Variants in ABCG4 observed in about 807,000 individuals in gnomAD.
ABCG4 encodes the protein ATP binding cassette subfamily G member 4, also known as ATP-binding cassette sub-family G member 4.
A neutral mutation model predicts 64.6 loss-of-function variants in ABCG4; 35 were observed. The observed-to-expected ratio is 0.54, with a 90% CI of 0.41 to 0.72. The LOEUF (loss-of-function observed/expected upper bound fraction) is 0.72, where lower values mean the gene tolerates loss of function less well. ABCG4 is among the 30% of genes least tolerant of loss of function. The pLI, the probability that ABCG4 is intolerant of heterozygous loss-of-function variation, is 0.00. For missense variants in ABCG4, 610 were observed against 846.3 expected, an observed-to-expected ratio of 0.72 and a Z score of 3.46; for synonymous variants, 326 against 348.2, an observed-to-expected ratio of 0.94 and a Z score of 0.71.
chr11:119,156,712 C>T lies in ABCG4; in HGVS notation c.925+34C>T. 6.2e-7 allele frequency: 1 copy of T among 1,610,314 alleles called. No homozygotes were observed. On this transcript the variant is annotated intron_variant, in intron 8 of 14. Coordinates refer to ENST00000619701, the MANE Select transcript of ABCG4 (RefSeq NM_022169.5). The surrounding 1 kb of genome is among the most constrained non-coding windows in gnomAD (Gnocchi z 5.5). Reference sequence around the variant, plus strand: ...GGGTCTGTTGGTAGGGGCTGGGAAACAGCAGTGGGCCGAACCTGGGGTCTC... The same window carrying T: ...GGGTCTGTTGGTAGGGGCTGGGAAATAGCAGTGGGCCGAACCTGGGGTCTC...
Position 119,150,293 on chromosome 11 carries a change from G to C in ABCG4, c.238+90G>C. On this transcript the variant is annotated intron_variant, in intron 2 of 14. Transcript: ENST00000619701. The surrounding 1 kb of genome is among the most constrained non-coding windows in gnomAD (Gnocchi z 4.3). ...GGCCTGGGTGTCCCATGTTCGGAAA[G>C]TCCTGCACCAGTGGGCTCTGTGGAA... 3 of 1,519,400 alleles carry C rather than the reference G, an allele frequency of 2.0e-6. No homozygotes were observed. In the South Asian group the frequency reaches 3.7e-5, roughly 19 times the overall value. The allele number at this position is 1,519,400 out of a possible 1,614,324, so 94.1% of individuals were successfully genotyped here. A position where few individuals can be genotyped will look rare whatever the true frequency, so the allele number is the denominator to read the frequency against.
chr11:119,153,975 T>C, intron 2 of ABCG4, 51 bp from the exon 3 acceptor site: 1 of 1,513,640 alleles, frequency 6.6e-7, no homozygotes, highest in South Asian at 1.1e-5. Flanking sequence ...ATTTTGGGGG[T>C]ACCTCTGTTC....
chr11:119,160,766 A>G lies in ABCG4; in HGVS notation c.1715+110A>G. Reference sequence around the variant, plus strand: ...CTGCCTGCCCCATTATCCTTTGGGCAGGGGCACCCTGGCTGCACCCCAGGG... The same window carrying G: ...CTGCCTGCCCCATTATCCTTTGGGCGGGGGCACCCTGGCTGCACCCCAGGG... On this transcript the variant is annotated intron_variant, in intron 14 of 14. Transcript: ENST00000619701. The surrounding 1 kb of genome is among the most constrained non-coding windows in gnomAD (Gnocchi z 4.6). 1 of 1,491,812 alleles carries G rather than the reference A, an allele frequency of 6.7e-7. No homozygotes were observed. The allele number at this position is 1,491,812 out of a possible 1,614,324, so 92.4% of individuals were successfully genotyped here.
chr11:119,158,317 C>T lies in ABCG4; in HGVS notation c.1152C>T (p.Ser384=). Residue 384 remains serine, a synonymous_variant, in exon 10 of 15, where the codon TCC becomes TCT. Transcript: ENST00000619701. This position sits in a 1 kb window ranked among gnomAD's most constrained non-coding sequence, Gnocchi z 4.5. ...FCILFKRTFL[S]ILRDTVLTHL... ...TCCTCTTCAAGAGGACCTTCCTGTC[C>T]ATCCTCAGGGACACGGTGAGGCGTC... 6.2e-7 allele frequency: 1 copy of T among 1,614,114 alleles called. No individual in the cohort carries two copies. Among genetic ancestry groups the T allele is most frequent in the South Asian group, 1.1e-5 (1 of 91,086 alleles).
At position 119,160,859 on chromosome 11, in the gene ABCG4, T is replaced by G; in HGVS notation, c.1716-22T>G. 6.2e-7 allele frequency: 1 copy of G among 1,608,804 alleles called. No homozygotes were observed. Among genetic ancestry groups the G allele is most frequent in the Non-Finnish European group, 8.5e-7 (1 of 1,176,220 alleles). ...CAGGGACCCTGTGTGCTGTATCCCA[T>G]CTGATATCCCTGCCTGCCTAGGTAT... On this transcript the variant is annotated intron_variant, in intron 14 of 14. Coordinates refer to ENST00000619701, the MANE Select transcript of ABCG4 (RefSeq NM_022169.5). The surrounding 1 kb of genome is among the most constrained non-coding windows in gnomAD (Gnocchi z 4.6).
Position 119,161,058 on chromosome 11 carries a change from G to A in ABCG4, c.1893G>A (p.Arg631=). The change falls in exon 15 of 15, where the codon CGG becomes CGA. Residue 631 remains arginine (R), a synonymous_variant. Transcript: ENST00000619701. ...TGGGCATCTTCTTCCTAGCCCTGCG[G>A]CTGCTGGCCTACCTTGTGCTGCGTT... The part of the protein sequence containing the change: ...LVLGIFFLAL[R]LLAYLVLRYR... 3 of 1,614,030 alleles carry A rather than the reference G, an allele frequency of 1.9e-6. No homozygotes were observed. Among genetic ancestry groups the A allele is most frequent in the Non-Finnish European group, 2.5e-6 (3 of 1,179,976 alleles).
Position 119,156,170 on chromosome 11 carries a change from A to T in ABCG4, c.687-159A>T, listed in dbSNP as rs1328282326. ...TGAACAGTGCTCTTGGCTTCTGGGT[A>T]TCCCTCCAAGTGCCTGAACCGTAAA... On this transcript the variant is annotated intron_variant, in intron 6 of 14. Transcript: ENST00000619701. The surrounding 1 kb of genome is among the most constrained non-coding windows in gnomAD (Gnocchi z 5.5). 1.1e-6 allele frequency: 1 copy of T among 894,736 alleles called. No individual in the cohort carries two copies. The highest frequency in any genetic ancestry group is 1.7e-6 in the Non-Finnish European group (1 of 576,430). The allele number at this position is 894,736 out of a possible 1,614,324, so 55.4% of individuals were successfully genotyped here. A position where few individuals can be genotyped will look rare whatever the true frequency, so the allele number is the denominator to read the frequency against.
In ABCG4 at chr11:119,156,899, G is replaced by A. The variant is rs1479596747; in HGVS notation, c.953G>A (p.Gly318Glu). The change falls in exon 9 of 15, where the codon GGA becomes GAA. Residue 318 changes from glycine to glutamate, a missense_variant. Gly to Glu is a moderately conservative substitution (Grantham distance 98, BLOSUM62 -2). Transcript: ENST00000619701. The surrounding 1 kb of genome is among the most constrained non-coding windows in gnomAD (Gnocchi z 5.5). ...FIIEVASGEYGDLNPMLFRAV... is the reference protein window; with the variant it reads ...FIIEVASGEYEDLNPMLFRAV... ...ATCGAGGTGGCCTCTGGCGAGTATG[G>A]AGACCTGAACCCCATGTTGTTCAGG... is the stretch of plus-strand genomic sequence containing the variant. 2 of 1,612,764 alleles carry A rather than the reference G, an allele frequency of 1.2e-6. No individual in the cohort carries two copies. The highest frequency in any genetic ancestry group is 1.7e-5 in the Admixed American group (1 of 59,676).
rs1426495530 is a variant in ABCG4 at position 119,160,890 on chromosome 11, T to C, written c.1725T>C (p.Phe575=). 6.2e-7 allele frequency: 1 copy of C among 1,613,760 alleles called. No individual in the cohort carries two copies. The highest frequency in any genetic ancestry group is 8.5e-7 in the Non-Finnish European group (1 of 1,179,790). ...ATCCCTGCCTGCCTAGGTATGGCTT[T>C]GAGGGTGTGATCCTGACGATCTATG... ...SSYLSYVRYG[F]EGVILTIYGM... Residue 575 remains phenylalanine (F), a synonymous_variant, in exon 15 of 15, where the codon TTT becomes TTC. Transcript: ENST00000619701. This position sits in a 1 kb window ranked among gnomAD's most constrained non-coding sequence, Gnocchi z 4.6.
chr11:119,154,349 A>T lies in ABCG4; in HGVS notation c.446A>T (p.Asp149Val), dbSNP rs777057755. Residue 149 changes from aspartate to valine, a missense_variant, in exon 4 of 15, where the codon GAT (aspartate) becomes GTT (valine). By Grantham distance (152) the Asp-to-Val change is radical. Transcript: ENST00000619701. The surrounding 1 kb of genome is among the most constrained non-coding windows in gnomAD (Gnocchi z 7.0). The part of the protein sequence containing the change: ...FRKMSCYIMQ[D>V]DMLLPHLTVL... ...AAGATGTCCTGCTACATCATGCAAG[A>T]TGACATGCTGCTGCCGCACCTCACG... is the stretch of plus-strand genomic sequence containing the variant. 9.9e-6 allele frequency: 16 copies of T among 1,614,100 alleles called. No individual in the cohort carries two copies. In the East Asian group the frequency reaches 3.6e-4, roughly 36 times the overall value.
chr11:119,149,981 C>G lies in ABCG4; in HGVS notation c.16C>G (p.Leu6Val), dbSNP rs748349948. Residue 6 changes from leucine (L) to valine (V), a missense_variant, in exon 2 of 15, where the codon CTG (leucine) becomes GTG (valine). Physicochemically the swap from Leu to Val is conservative, Grantham distance 32. Coordinates refer to ENST00000619701, the MANE Select transcript of ABCG4 (RefSeq NM_022169.5). The surrounding 1 kb of genome is among the most constrained non-coding windows in gnomAD (Gnocchi z 8.3). MAEKA[L>V]EAVGCGLGPG... ...CGGCGGCGTGATGGCGGAGAAGGCGCTGGAGGCCGTGGGCTGTGGACTAGG... is the reference window on the plus strand; with the variant it reads ...CGGCGGCGTGATGGCGGAGAAGGCGGTGGAGGCCGTGGGCTGTGGACTAGG... 25 of 1,607,582 alleles carry G rather than the reference C, an allele frequency of 1.6e-5. No homozygotes were observed. The highest frequency in any genetic ancestry group is 2.0e-5 in the Non-Finnish European group (24 of 1,179,758).
In ABCG4 at chr11:119,158,450, G is replaced by C; in HGVS notation, c.1168-107G>C. On this transcript the variant is annotated intron_variant, in intron 10 of 14. Coordinates refer to ENST00000619701, the MANE Select transcript of ABCG4 (RefSeq NM_022169.5). The surrounding 1 kb of genome is among the most constrained non-coding windows in gnomAD (Gnocchi z 4.5). Reference sequence around the variant, plus strand: ...CCTCACAGCCCTGCAATGTGCCTGTGGGGTCTCTGTGCCTGTGAGGGCAGC... The same window carrying C: ...CCTCACAGCCCTGCAATGTGCCTGTCGGGTCTCTGTGCCTGTGAGGGCAGC... 6.4e-7 allele frequency: 1 copy of C among 1,559,912 alleles called. No homozygotes were observed. The highest frequency in any genetic ancestry group is 1.4e-5 in the African/African-American group (1 of 73,838).
At position 119,150,001 on chromosome 11, in the gene ABCG4, A is replaced by T. The variant is rs771054703; in HGVS notation, c.36A>T (p.Gly12=). The T allele has an allele frequency of 1.2e-6, 2 of 1,610,704 alleles. No individual in the cohort carries two copies. Among genetic ancestry groups the T allele is most frequent in the Admixed American group, 3.3e-5 (2 of 59,972 alleles). The change falls in exon 2 of 15, where the codon GGA becomes GGT. Residue 12 remains glycine, a synonymous_variant. Coordinates refer to ENST00000619701, the MANE Select transcript of ABCG4 (RefSeq NM_022169.5). The surrounding 1 kb of genome is among the most constrained non-coding windows in gnomAD (Gnocchi z 4.3). ...AGGCGCTGGAGGCCGTGGGCTGTGG[A>T]CTAGGGCCGGGGGCTGTGGCCATGG... ...AEKALEAVGC[G]LGPGAVAMAV...
Position 119,160,482 on chromosome 11 carries a change from C to G in ABCG4, c.1597-56C>G. On this transcript the variant is annotated intron_variant, in intron 13 of 14. Coordinates refer to ENST00000619701, the MANE Select transcript of ABCG4 (RefSeq NM_022169.5). The surrounding 1 kb of genome is among the most constrained non-coding windows in gnomAD (Gnocchi z 4.6). ...AGGGTTAGGGTGGAGCTCTAGGAAA[C>G]CTGGGTTTGTCCTGGTCACCCCTAT... is the stretch of plus-strand genomic sequence containing the variant. 1.2e-6 allele frequency: 2 copies of G among 1,608,240 alleles called. No homozygotes were observed. The highest frequency in any genetic ancestry group is 1.7e-6 in the Non-Finnish European group (2 of 1,178,638).
intron 2 of ABCG4, chr11:119,153,410 AAAG>A (rs1948217138): frequency 6.5e-6 from 1 of 152,690 alleles, no homozygotes; most frequent in Non-Finnish European, 1.5e-5. Context: ...GAGAGAGCGC[AAAG>A]AAGAAGGCTT....
Position 119,154,594 on chromosome 11 carries a change from C to T in ABCG4, c.540+19C>T, listed in dbSNP as rs184996518. 1.2e-4 allele frequency: 191 copies of T among 1,611,096 alleles called. No individual in the cohort carries two copies. Among genetic ancestry groups the T allele is most frequent in the Non-Finnish European group, 1.6e-4 (183 of 1,179,050 alleles). ...GGAGCTGGTGAGTGGGGAAGGGAGG[C>T]AGTGGGACCACTCCCTTTTGTGGTG... is the stretch of plus-strand genomic sequence containing the variant. On this transcript the variant is annotated intron_variant, in intron 5 of 14. Transcript: ENST00000619701. The surrounding 1 kb of genome is among the most constrained non-coding windows in gnomAD (Gnocchi z 7.0).
At position 119,162,146 on chromosome 11, in the gene ABCG4, T is replaced by C. The variant is rs1948363316; in HGVS notation, c.*1040T>C. The C allele has an allele frequency of 6.5e-6, 1 of 152,784 alleles. No individual in the cohort carries two copies. Among genetic ancestry groups the C allele is most frequent in the Non-Finnish European group, 1.5e-5 (1 of 68,206 alleles). The allele number at this position is 152,784 out of a possible 1,614,324, so 9.5% of individuals were successfully genotyped here. A position where few individuals can be genotyped will look rare whatever the true frequency, so the allele number is the denominator to read the frequency against. On this transcript the variant is annotated 3_prime_UTR_variant, in exon 15 of 15. Coordinates refer to ENST00000619701, the MANE Select transcript of ABCG4 (RefSeq NM_022169.5). ...GATAAGGCTGGTGCTGCCCAGGGTG[T>C]CTACAGGAACTGCAGGTGTCTACCC...
In ABCG4 at chr11:119,160,311, G is replaced by A; in HGVS notation, c.1522G>A (p.Ala508Thr). The A allele has an allele frequency of 1.2e-6, 2 of 1,613,788 alleles. No homozygotes were observed. The highest frequency in any genetic ancestry group is 2.2e-5 in the East Asian group (1 of 44,838). ...GACCAGCCGCTTCCTGCTCTTCTCA[G>A]CCCTGGCCACCGCCACCGCCTTGGT... is the stretch of plus-strand genomic sequence containing the variant. Reference protein sequence around the residue: ...AETSRFLLFSALATATALVAQ... With the variant: ...AETSRFLLFSTLATATALVAQ... The change falls in exon 13 of 15, where the codon GCC (alanine) becomes ACC (threonine). Residue 508 changes from alanine to threonine, a missense_variant. By Grantham distance (58) the Ala-to-Thr change is moderately conservative. Transcript: ENST00000619701. This position sits in a 1 kb window ranked among gnomAD's most constrained non-coding sequence, Gnocchi z 4.6.
Position 119,156,253 on chromosome 11 carries a change from C to A in ABCG4, c.687-76C>A. 1 of 1,597,040 alleles carries A rather than the reference C, an allele frequency of 6.3e-7. No individual in the cohort carries two copies. Among genetic ancestry groups the A allele is most frequent in the Non-Finnish European group, 8.6e-7 (1 of 1,168,266 alleles). ...GCCAGCTTCATCCCCTTCACAGCAG[C>A]TGCCCCGCCCCAGACACTCCCTTCT... On this transcript the variant is annotated intron_variant, in intron 6 of 14. Transcript: ENST00000619701. The surrounding 1 kb of genome is among the most constrained non-coding windows in gnomAD (Gnocchi z 5.5).
Sources: allele counts gnomAD v4.1 joint callset, GRCh38; gene constraint gnomAD v4.1.1; non-coding constraint Gnocchi (gnomAD v3.1); transcripts MANE v1.5; gene names NCBI Gene and HGNC (gene_info 2026-07-23, HGNC 2026-07-21).